CPD: variants seen among roughly 807,000 people sequenced by gnomAD.
The protein encoded by CPD is metallocarboxypeptidase D.
A neutral mutation model predicts 138.3 loss-of-function variants in CPD; 69 were observed. The observed-to-expected ratio is 0.50, with a 90% CI of 0.41 to 0.61. The LOEUF is 0.61. Among genes scored for constraint, CPD ranks in the 20% least tolerant of loss-of-function variants. CPD has a pLI of 0.00. For synonymous variants in CPD, 651 were observed against 642.1 expected (o/e 1.01, Z -0.21); for missense variants, 1,432 against 1,733.3 (o/e 0.83, Z 3.09).
At chr17:30,420,761 G>A in intron 2 of CPD, 80 bp from the exon 3 acceptor site, 1 of 1,304,002 alleles carries the variant, frequency 7.7e-7, no homozygotes, top group Non-Finnish European at 1.1e-6. Flanking sequence ...ATCCAGAGAT[G>A]GCTGATTTAA....
intron 1 of CPD, among the ~76,000 whole-genome samples, chr17:30,381,936 A>G (rs1911060391): frequency 6.6e-6 from 1 of 152,202 alleles, no homozygotes. Flanking sequence ...TACTTCATCC[A>G]ATGGATGTTG....
intron 2 of CPD, among the ~76,000 whole-genome samples, chr17:30,394,012 G>A (rs941028566): frequency 2.2e-4 from 33 of 151,198 alleles, no homozygotes; most frequent in African/African-American, 6.3e-4. Context: ...ATGCACCCCT[G>A]TAGTCCCAGC....
chr17:30,461,072 C>A, intron 17 of CPD, 108 bp from the exon 18 acceptor site: 2 of 773,790 alleles, frequency 2.6e-6, no homozygotes, highest in Non-Finnish European at 3.8e-6. Flanking sequence ...TCTTTGTTTA[C>A]GTCAGCTACG....
chr17:30,452,438 A>G (rs1213094120), intron 14 of CPD, among the ~76,000 whole-genome samples: 1 of 151,072 alleles, frequency 6.6e-6, no homozygotes, highest in Non-Finnish European at 1.5e-5. Context: ...TGCCTGGCCA[A>G]TTTTTGTATT....
At chr17:30,407,556 C>G (rs555777957) in intron 2 of CPD, among the ~76,000 whole-genome samples, 1 of 152,314 alleles carries the variant, frequency 6.6e-6, no homozygotes, top group East Asian at 1.9e-4. Flanking sequence ...TTGCGTTTCT[C>G]TGATGACCAG....
chr17:30,452,127 T>C (rs1913181135), intron 14 of CPD, among the ~76,000 whole-genome samples: 1 of 152,226 alleles, frequency 6.6e-6, no homozygotes, highest in African/African-American at 2.4e-5. Context: ...TCCCCTCCTA[T>C]GTATGTGTGT....
At chr17:30,439,136 G>T in intron 9 of CPD, 59 bp downstream of exon 9, 1 of 882,772 alleles carries the variant, frequency 1.1e-6, no homozygotes, top group Non-Finnish European at 1.8e-6. Flanking sequence ...TTTCCTAGAT[G>T]GTGCTTCTTG....
chr17:30,446,233 TG>T lies in CPD; in HGVS notation c.2873+214del, dbSNP rs541078069. On this transcript the variant is annotated intron_variant, in intron 12 of 20. Coordinates refer to ENST00000225719, the MANE Select transcript of CPD (RefSeq NM_001304.5). ...GGTACATGTGCACAACGTGCAGGTTTGTTACATATGTATACATGTGCCATGT... is the reference window on the plus strand; with the variant it reads ...GGTACATGTGCACAACGTGCAGGTTTTTACATATGTATACATGTGCCATGT... Among the ~76,000 whole-genome samples the T allele has an allele frequency of 2.5e-3, 383 of 152,264 alleles. 1 individual carries two copies. The highest frequency in any genetic ancestry group is 9.0e-3 in the African/African-American group (374 of 41,548).
In CPD at chr17:30,458,535, C is replaced by T. The variant is rs1913361597; in HGVS notation, c.3498+2009C>T. On this transcript the variant is annotated intron_variant, in intron 17 of 20. Coordinates refer to ENST00000225719, the MANE Select transcript of CPD (RefSeq NM_001304.5). ...CGGGGTACATGGCCCCCCTGCCCAC[C>T]TCCCTGCTCCCTGCCGCCTATCCTT... is the stretch of plus-strand genomic sequence containing the variant. Among the ~76,000 whole-genome samples the T allele has an allele frequency of 4.0e-5, 6 of 150,750 alleles. No homozygotes were observed. In the South Asian group the frequency reaches 6.2e-4, roughly 16 times the overall value.
At chr17:30,383,820 G>A (rs1911113779) in intron 1 of CPD, among the ~76,000 whole-genome samples, 1 of 151,846 alleles carries the variant, frequency 6.6e-6, no homozygotes, top group Non-Finnish European at 1.5e-5. Flanking sequence ...CAGAAAGGCA[G>A]AAGCAAGAAA....
At chr17:30,404,430 C>T (rs1483788227) in intron 2 of CPD, among the ~76,000 whole-genome samples, 1 of 152,038 alleles carries the variant, frequency 6.6e-6, no homozygotes. Flanking sequence ...TGGTAAATAT[C>T]GTGACAATAA....
At chr17:30,431,659 C>A in intron 7 of CPD, 113 bp from the exon 8 acceptor site, 1 of 691,020 alleles carries the variant, frequency 1.4e-6, no homozygotes, top group Non-Finnish European at 2.5e-6. Context: ...TGAGGAAATT[C>A]TGCTTGGCAA....
rs1913618728 is a variant in CPD, at chr17:30,465,751, A to T, written c.*937A>T. 6.6e-6 allele frequency: 1 copy of T among 152,634 alleles called. No individual in the cohort carries two copies. The highest frequency in any genetic ancestry group is 6.5e-5 in the Admixed American group (1 of 15,274). 9.5% of individuals were successfully genotyped at this position (152,634 alleles called of 1,614,324 possible). ...CAGCCATCTACAAGATCTGAATTCT[A>T]CTGAAAATATCTAGAAATGTGGAAG... On this transcript the variant is annotated 3_prime_UTR_variant, in exon 21 of 21. Coordinates refer to ENST00000225719, the MANE Select transcript of CPD (RefSeq NM_001304.5).
chr17:30,452,894 G>C lies in CPD; in HGVS notation c.3205+1048G>C, dbSNP rs574782231. Among the ~76,000 whole-genome samples, 3 of 152,022 alleles carry C rather than the reference G, an allele frequency of 2.0e-5. No homozygotes were observed. In the East Asian group the frequency reaches 5.8e-4, roughly 29 times the overall value. On this transcript the variant is annotated intron_variant, in intron 14 of 20. Coordinates refer to ENST00000225719, the MANE Select transcript of CPD (RefSeq NM_001304.5). ...CACTTCTTACATGGTGGCAGCAAGA[G>C]AGTGTGAGAAGGAAGCAAAAGCAGA... is the stretch of plus-strand genomic sequence containing the variant.
At chr17:30,396,700 G>T (rs1384246336) in intron 2 of CPD, among the ~76,000 whole-genome samples, 1 of 152,162 alleles carries the variant, frequency 6.6e-6, no homozygotes, top group Non-Finnish European at 1.5e-5. Flanking sequence ...ATTAGCATTG[G>T]TATTGATCAC....
At chr17:30,391,911 A>G (rs1384156839) in intron 2 of CPD, among the ~76,000 whole-genome samples, 1 of 151,978 alleles carries the variant, frequency 6.6e-6, no homozygotes, top group Non-Finnish European at 1.5e-5. Flanking sequence ...ACACACAACC[A>G]TGCCTGGTAT....
At chr17:30,427,877 C>A (rs1477483330) in intron 7 of CPD, among the ~76,000 whole-genome samples, 1 of 151,234 alleles carries the variant, frequency 6.6e-6, no homozygotes, top group Admixed American at 6.6e-5. Flanking sequence ...CCTTTCTTCT[C>A]TGTCTTGTCT....
At chr17:30,444,122 T>A in intron 11 of CPD, 151 bp downstream of exon 11, 1 of 616,000 alleles carries the variant, frequency 1.6e-6, no homozygotes, top group Non-Finnish European at 2.7e-6. Flanking sequence ...TTGACTCTCC[T>A]TTAGTGGCAG....
In CPD at chr17:30,427,379, C is replaced by T. The variant is rs1912444450; in HGVS notation, c.1850-12C>T. 1.2e-6 allele frequency: 2 copies of T among 1,610,974 alleles called. No individual in the cohort carries two copies. The highest frequency in any genetic ancestry group is 1.7e-5 in the Admixed American group (1 of 59,996). ...CATGGCTTATATTCAAATCCTTTAT[C>T]ATATCATACAGGAGATTCAATAAGT... On this transcript the variant is annotated splice_polypyrimidine_tract_variant and intron_variant, in intron 6 of 20. Coordinates refer to ENST00000225719, the MANE Select transcript of CPD (RefSeq NM_001304.5).
Sources: gnomAD v4.1 joint callset for allele counts (sites outside exome capture counted in the v4.1 genomes callset) on GRCh38, gnomAD v4.1.1 for gene constraint, MANE v1.5 for transcripts, NCBI Gene and HGNC (gene_info 2026-07-23, HGNC 2026-07-21) for gene names.